C18orf54: variants seen among roughly 807,000 people sequenced by gnomAD.
The protein encoded by C18orf54 is chromosome 18 open reading frame 54, also known as lung adenoma susceptibility protein 2.
Under a neutral mutation model 49.3 loss-of-function variants are expected in C18orf54, and 49 were observed. That is an observed-to-expected ratio of 0.99 (90% CI 0.79 to 1.26). The LOEUF (loss-of-function observed/expected upper bound fraction) is 1.26. C18orf54 is among the 50% of genes most tolerant of loss of function. The pLI is 0.00. For missense variants in C18orf54, 687 were observed against 620.6 expected (o/e 1.11, Z -1.14); for synonymous variants, 211 against 216.6 (o/e 0.97, Z 0.23).
chr18:54,363,121 T>A (rs1046308718), intron 5 of C18orf54, among the ~76,000 whole-genome samples, 200 bp downstream of exon 5: 9 of 152,224 alleles, frequency 5.9e-5, no homozygotes, highest in Non-Finnish European at 1.0e-4. Flanking sequence ...GTACTTTATA[T>A]AACATCTGTC....
At chr18:54,362,490 G>A (rs1311483281) in intron 4 of C18orf54, 59 bp downstream of exon 4, 1 of 1,336,952 alleles carries the variant, frequency 7.5e-7, no homozygotes, top group Non-Finnish European at 9.8e-7. Flanking sequence ...ACCAAAAGAA[G>A]TGCTGTAAAG....
At chr18:54,358,479 A>T (rs530860839) in intron 1 of C18orf54, 2 of 152,350 alleles carry the variant, frequency 1.3e-5, no homozygotes, top group Non-Finnish European at 2.9e-5. Flanking sequence ...TCACTGAAGA[A>T]CTTGTCTGTG....
chr18:54,360,097 G>A (rs2089233147), intron 2 of C18orf54, among the ~76,000 whole-genome samples: 1 of 152,042 alleles, frequency 6.6e-6, no homozygotes, highest in Admixed American at 6.5e-5. Flanking sequence ...AAAATTTATT[G>A]AGCGCTATTA....
chr18:54,369,016 C>A (rs1027406140), intron 6 of C18orf54, among the ~76,000 whole-genome samples: 1 of 152,028 alleles, frequency 6.6e-6, no homozygotes, highest in Non-Finnish European at 1.5e-5. Flanking sequence ...CTTTGAGGAG[C>A]CATGGTTCTT....
Position 54,362,685 on chromosome 18 carries a change from C to G in C18orf54, c.1073-86C>G, listed in dbSNP as rs947558233. On this transcript the variant is annotated intron_variant, in intron 4 of 8. Transcript: ENST00000620105. ...TAGATGAATGTACATTCCAAATGAT[C>G]AGAACTCTTGTTGACTTTGTGAGAT... 9.1e-6 allele frequency: 11 copies of G among 1,207,884 alleles called. No homozygotes were observed. In the African/African-American group the frequency reaches 1.4e-4, roughly 15 times the overall value. The allele number at this position is 1,207,884 out of a possible 1,614,324, so 74.8% of individuals were successfully genotyped here. A position where few individuals can be genotyped will look rare whatever the true frequency, so the allele number is the denominator to read the frequency against.
At chr18:54,363,064 A>G (rs1278537723) in intron 5 of C18orf54, 143 bp downstream of exon 5, 1 of 780,516 alleles carries the variant, frequency 1.3e-6, no homozygotes, top group Admixed American at 3.5e-5. Context: ...TTTAAATTGC[A>G]TTTTTCATTT....
In C18orf54 at chr18:54,381,930, C is replaced by T. The variant is rs1423601788; in HGVS notation, c.*3684C>T. 6.6e-6 allele frequency: 1 copy of T among 152,128 alleles called. No homozygotes were observed. The highest frequency in any genetic ancestry group is 2.4e-5 in the African/African-American group (1 of 41,438). 9.4% of individuals were successfully genotyped at this position (152,128 alleles called of 1,614,324 possible). A position where few individuals can be genotyped will look rare whatever the true frequency, so the allele number is the denominator to read the frequency against. ...CTTTACAGAATCAGGAAAAAGTAAA[C>T]TGCATTTTACATAGTGGTTTTAAAT... On this transcript the variant is annotated 3_prime_UTR_variant, in exon 9 of 9. Transcript: ENST00000620105.
rs371979718 is a variant in C18orf54 at position 54,362,999 on chromosome 18, C to T, written c.1223+78C>T. ...TGCGAATATCTGATTTATATTTAAA[C>T]GAACGGTAATTAATAATATTGTAAC... On this transcript the variant is annotated intron_variant, in intron 5 of 8. Coordinates refer to ENST00000620105, the MANE Select transcript of C18orf54 (RefSeq NM_001288980.2). 2,622 of 1,346,964 alleles carry T rather than the reference C, an allele frequency of 1.9e-3. 22 individuals are homozygous for T. Among genetic ancestry groups the T allele is most frequent in the Middle Eastern group, 0.014 (64 of 4,668 alleles). The allele number at this position is 1,346,964 out of a possible 1,614,324, so 83.4% of individuals were successfully genotyped here.
intron 4 of C18orf54, 24 bp downstream of exon 4, chr18:54,362,455 A>G (rs2089291690): frequency 6.9e-7 from 1 of 1,441,098 alleles, no homozygotes; most frequent in Non-Finnish European, 9.1e-7. Context: ...TATTGCTTAT[A>G]GTTATTTATT....
Position 54,368,966 on chromosome 18 carries a change from C to T in C18orf54, c.1326+3145C>T, listed in dbSNP as rs77742629. On this transcript the variant is annotated intron_variant, in intron 6 of 8. Coordinates refer to ENST00000620105, the MANE Select transcript of C18orf54 (RefSeq NM_001288980.2). ...ATTAGGAGTTCCTTCATGTTGGCTC[C>T]TGTGCCTTTTTATATGTCTGCATTC... 4.6e-5 allele frequency among the ~76,000 whole-genome samples: 7 copies of T among 152,234 alleles called. No individual in the cohort carries two copies. The East Asian group carries it at 1.4e-3, about 29-fold the overall frequency.
chr18:54,360,979 G>C, intron 3 of C18orf54, 124 bp downstream of exon 3: 2 of 901,554 alleles, frequency 2.2e-6, no homozygotes, highest in Non-Finnish European at 3.3e-6. Flanking sequence ...ATAATATTGA[G>C]ATCTGGGTGT....
chr18:54,369,798 T>A (rs937122488), intron 6 of C18orf54, among the ~76,000 whole-genome samples: 1 of 152,148 alleles, frequency 6.6e-6, no homozygotes, highest in East Asian at 1.9e-4. Flanking sequence ...TTTAGCCTTA[T>A]AATATCATAA....
chr18:54,362,520 CT>C, intron 4 of C18orf54, 89 bp downstream of exon 4: 2 of 1,172,166 alleles, frequency 1.7e-6, no homozygotes, highest in Non-Finnish European at 2.3e-6. Context: ...TATCTGGGAG[CT>C]TTTATGTTTT....
chr18:54,369,040 G>A (rs1192681026), intron 6 of C18orf54, among the ~76,000 whole-genome samples: 1 of 152,062 alleles, frequency 6.6e-6, no homozygotes, highest in Non-Finnish European at 1.5e-5. Context: ...ATTGGAAAAT[G>A]GCACTTAGAA....
intron 8 of C18orf54, among the ~76,000 whole-genome samples, chr18:54,377,489 A>G (rs1209872917): frequency 2.6e-5 from 4 of 152,174 alleles, no homozygotes; most frequent in Non-Finnish European, 5.9e-5. Context: ...GGAGAGAAAA[A>G]CTGGAAAAAT....
chr18:54,372,891 T>C (rs568792891), intron 7 of C18orf54, among the ~76,000 whole-genome samples: 24 of 152,052 alleles, frequency 1.6e-4, no homozygotes, highest in African/African-American at 4.3e-4. Flanking sequence ...AAGAGTTTTG[T>C]AATCCTCTAC....
In C18orf54 at chr18:54,381,261, AG is replaced by A. The variant is rs1316594283; in HGVS notation, c.*3016del. The A allele has an allele frequency of 1.3e-5, 2 of 152,060 alleles. No individual in the cohort carries two copies. Among genetic ancestry groups the A allele is most frequent in the African/African-American group, 4.8e-5 (2 of 41,410 alleles). 9.4% of individuals were successfully genotyped at this position (152,060 alleles called of 1,614,324 possible). ...GTTTTCCTTTTTTGGACCAAAAAAA[AG>A]AAAAAAAAAATCTTAGCTTTTCATC... On this transcript the variant is annotated 3_prime_UTR_variant, in exon 9 of 9. Transcript: ENST00000620105.
chr18:54,372,577 C>A lies in C18orf54; in HGVS notation c.1438C>A (p.Pro480Thr). Residue 480 changes from proline to threonine, a missense_variant, in exon 7 of 9, where the codon CCA becomes ACA. Transcript: ENST00000620105. Reference sequence around the variant, plus strand: ...TTTTAATCAAAATAAGACCACAGATCCAAAAGAAGAGATTAAACAAGTAAG... The same window carrying A: ...TTTTAATCAAAATAAGACCACAGATACAAAAGAAGAGATTAAACAAGTAAG... ...ERFNQNKTTD[P>T]KEEIKQVSED... 1.2e-6 allele frequency: 2 copies of A among 1,602,558 alleles called. No individual in the cohort carries two copies. The highest frequency in any genetic ancestry group is 1.7e-6 in the Non-Finnish European group (2 of 1,174,446).
intron 6 of C18orf54, among the ~76,000 whole-genome samples, chr18:54,371,380 T>TACAA (rs1264727307): frequency 2.0e-5 from 3 of 152,218 alleles, no homozygotes; most frequent in African/African-American, 7.2e-5. Context: ...TTTTGTTTAT[T>TACAA]CATTCATCTG....
Sources: allele counts gnomAD v4.1 joint callset (sites outside exome capture counted in the v4.1 genomes callset), GRCh38; gene constraint gnomAD v4.1.1; transcripts MANE v1.5; gene names NCBI Gene and HGNC (gene_info 2026-07-23, HGNC 2026-07-21).